TEX35: variants seen among roughly 807,000 people sequenced by gnomAD.
The protein encoded by TEX35 is testis expressed 35.
Under a neutral mutation model 31.9 loss-of-function variants are expected in TEX35, and 26 were observed. The observed-to-expected ratio is 0.81, with a 90% CI of 0.60 to 1.13. TEX35 has a LOEUF of 1.13. Among genes scored for constraint, TEX35 ranks in the 50% most tolerant of loss-of-function variants. TEX35 has a pLI of 0.00. For missense variants in TEX35, 278 were observed against 273.5 expected (o/e 1.02, Z -0.12); for synonymous variants, 87 against 90.7 (o/e 0.96, Z 0.23).
intron 3 of TEX35, 41 bp from the exon 4 acceptor site, chr1:178,515,818 A>G: frequency 6.5e-7 from 1 of 1,533,236 alleles, no homozygotes; most frequent in Non-Finnish European, 9.0e-7. Context: ...TCCATCCTAG[A>G]TATTTCTTTC....
intron 2 of TEX35, 73 bp from the exon 3 acceptor site, chr1:178,514,627 A>C (rs1650006684): frequency 7.0e-7 from 1 of 1,434,388 alleles, no homozygotes; most frequent in Non-Finnish European, 9.7e-7. Flanking sequence ...ACACAGGGGG[A>C]TCTCTTCTGC....
intron 5 of TEX35, among the ~76,000 whole-genome samples, chr1:178,517,254 C>T (rs542035309): frequency 6.6e-6 from 1 of 152,324 alleles, no homozygotes; most frequent in East Asian, 1.9e-4. Flanking sequence ...ATTAAATCAG[C>T]CCAACGATAA....
At chr1:178,523,413 C>T, downstream of TEX35, 1 of 530,818 alleles carries the variant, frequency 1.9e-6, no homozygotes. Flanking sequence ...ACATTCCCAC[C>T]AACAGTGTAC....
chr1:178,516,576 C>T, intron 4 of TEX35, 39 bp from the exon 5 acceptor site: 2 of 1,573,778 alleles, frequency 1.3e-6, no homozygotes. Flanking sequence ...CAATAACATG[C>T]TCTGTGCTTT....
At position 178,516,603 on chromosome 1, in the gene TEX35, C is replaced by T; in HGVS notation, c.217-12C>T. 6.2e-7 allele frequency: 1 copy of T among 1,611,814 alleles called. No homozygotes were observed. Among genetic ancestry groups the T allele is most frequent in the Non-Finnish European group, 8.5e-7 (1 of 1,178,150 alleles). On this transcript the variant is annotated splice_polypyrimidine_tract_variant and intron_variant, in intron 4 of 8. Coordinates refer to ENST00000319416, the MANE Select transcript of TEX35 (RefSeq NM_032126.5). ...CTGTGCTTTGTCAAGCCATGCCTTT[C>T]TTCCTTGTTAGATAAAGGATCTAAT...
chr1:178,519,623 A>G (rs1650196168), intron 5 of TEX35, among the ~76,000 whole-genome samples: 1 of 152,228 alleles, frequency 6.6e-6, no homozygotes, highest in Non-Finnish European at 1.5e-5. Context: ...TCAATTTTCT[A>G]TAGTACATCA....
intron 6 of TEX35, 88 bp from the exon 7 acceptor site, chr1:178,520,584 TC>T: frequency 6.3e-7 from 1 of 1,593,064 alleles, no homozygotes; most frequent in Non-Finnish European, 8.6e-7. Context: ...GTCAAGGCCT[TC>T]CATGGCCACC....
chr1:178,514,713 A>G lies in TEX35; in HGVS notation c.104A>G (p.Lys35Arg). 1 of 1,614,048 alleles carries G rather than the reference A, an allele frequency of 6.2e-7. No individual in the cohort carries two copies. The highest frequency in any genetic ancestry group is 8.5e-7 in the Non-Finnish European group (1 of 1,179,982). The change falls in exon 3 of 9, where the codon AAA becomes AGA. Residue 35 changes from lysine (K) to arginine (R), a missense_variant. Transcript: ENST00000319416. ...TTCAATCCACAGACATTTGATTACA[A>G]AGCAGTTAAACAAGAAGGGCGGTTT... is the stretch of plus-strand genomic sequence containing the variant. Reference protein sequence around the residue: ...KPEPTKTFDYKAVKQEGRFTK... With the variant: ...KPEPTKTFDYRAVKQEGRFTK...
At position 178,522,431 on chromosome 1, in the gene TEX35, G is replaced by T; in HGVS notation, c.693G>T (p.Glu231Asp). 1 of 1,597,654 alleles carries T rather than the reference G, an allele frequency of 6.3e-7. No homozygotes were observed. The highest frequency in any genetic ancestry group is 2.2e-5 in the East Asian group (1 of 44,506). ...HAVPAPKSQT[E>D]GR is the part of the protein sequence containing the mutation. Reference sequence around the variant, plus strand: ...TGCCTGCCCCAAAGTCCCAGACTGAGGGAAGGTGAAGCTTAACTGCCAGCT... The same window carrying T: ...TGCCTGCCCCAAAGTCCCAGACTGATGGAAGGTGAAGCTTAACTGCCAGCT... Residue 231 changes from glutamate (E) to aspartate (D), a missense_variant, in exon 9 of 9, where the codon GAG becomes GAT. Glu to Asp is a conservative substitution (Grantham distance 45, BLOSUM62 2). Coordinates refer to ENST00000319416, the MANE Select transcript of TEX35 (RefSeq NM_032126.5).
chr1:178,522,303 C>A (rs1252023100), intron 8 of TEX35, 22 bp from the exon 9 acceptor site: 3 of 1,554,394 alleles, frequency 1.9e-6, no homozygotes, highest in Non-Finnish European at 2.6e-6. Flanking sequence ...AAGGTTTCCT[C>A]TCCCTCCCTC....
intron 3 of TEX35, 67 bp downstream of exon 3, chr1:178,514,835 C>G: frequency 3.0e-6 from 4 of 1,355,170 alleles, no homozygotes; most frequent in Non-Finnish European, 4.2e-6. Context: ...TCCCCAAATC[C>G]TCAGTGCCTG....
At chr1:178,521,748 C>T (rs1334638574) in intron 8 of TEX35, 1 of 1,551,606 alleles carries the variant, frequency 6.4e-7, no homozygotes, top group Non-Finnish European at 8.7e-7. Flanking sequence ...GGCTTCTTGT[C>T]CTGTTAAATA....
intron 5 of TEX35, among the ~76,000 whole-genome samples, chr1:178,518,323 A>ATCAACCTCTTGATTTGTCAATTTCACT (rs1558038140): frequency 1.3e-5 from 2 of 152,174 alleles, no homozygotes. Flanking sequence ...ATATAAAAAA[A>ATCAACCTCTTGATTTGTCAATTTCACT]TCAACCTCTT....
At position 178,521,727 on chromosome 1, in the gene TEX35, T is replaced by G; in HGVS notation, c.586+463T>G. The G allele has an allele frequency of 1.9e-6, 3 of 1,551,764 alleles. No individual in the cohort carries two copies. In the South Asian group the frequency reaches 3.6e-5, roughly 18 times the overall value. On this transcript the variant is annotated intron_variant, in intron 8 of 8. Coordinates refer to ENST00000319416, the MANE Select transcript of TEX35 (RefSeq NM_032126.5). ...TTCATCACCTCCAAGCTCCTTAAGA[T>G]GCACAGTCAGGGCTTCTTGTCCTGT... is the stretch of plus-strand genomic sequence containing the variant.
At chr1:178,521,427 TGTGGCACCAGGAAGGA>T in intron 8 of TEX35, 163 bp downstream of exon 8, 1 of 1,037,256 alleles carries the variant, frequency 9.6e-7, no homozygotes, top group African/African-American at 1.6e-5. Flanking sequence ...TCATACAGGA[TGTGGCACCAGGAAGGA>T]GGACTTGGGT....
Position 178,520,720 on chromosome 1 carries a change from G to A in TEX35, c.389G>A (p.Gly130Glu). 6.2e-7 allele frequency: 1 copy of A among 1,614,102 alleles called. No individual in the cohort carries two copies. Among genetic ancestry groups the A allele is most frequent in the Non-Finnish European group, 8.5e-7 (1 of 1,180,016 alleles). Residue 130 changes from glycine (G) to glutamate (E), a missense_variant, in exon 7 of 9, where the codon GGA (glycine) becomes GAA (glutamate). Gly to Glu is a moderately conservative substitution (Grantham distance 98). Coordinates refer to ENST00000319416, the MANE Select transcript of TEX35 (RefSeq NM_032126.5). The stretch of plus-strand genomic sequence containing the variant: ...GAGCAGCAGGAACTCAGGCTGATGG[G>A]AAAGACTCACAGAGAACCACAGCTC... ...PKEQQELRLM[G>E]KTHREPQLRP...
chr1:178,520,124 C>T (rs901810500), intron 5 of TEX35, among the ~76,000 whole-genome samples: 1 of 152,146 alleles, frequency 6.6e-6, no homozygotes, highest in African/African-American at 2.4e-5. Context: ...CAGTAGCTGG[C>T]CTCTGGCTCA....
intron 8 of TEX35, chr1:178,521,731 C>G: frequency 6.4e-7 from 1 of 1,551,810 alleles, no homozygotes; most frequent in Non-Finnish European, 8.7e-7. Flanking sequence ...TTAAGATGCA[C>G]AGTCAGGGCT....
At chr1:178,514,932 A>G (rs1650020893) in intron 3 of TEX35, among the ~76,000 whole-genome samples, 164 bp downstream of exon 3, 1 of 152,226 alleles carries the variant, frequency 6.6e-6, no homozygotes. Flanking sequence ...ACTCATCTAT[A>G]GCCCTTGTTC....
Sources: gnomAD v4.1 joint callset for allele counts (sites outside exome capture counted in the v4.1 genomes callset) on GRCh38, gnomAD v4.1.1 for gene constraint, MANE v1.5 for transcripts, NCBI Gene and HGNC (gene_info 2026-07-23, HGNC 2026-07-21) for gene names.